The following GSTCD variants were observed in gnomAD, a reference collection of about 807,000 sequenced individuals.
The protein encoded by GSTCD is glutathione S-transferase C-terminal domain containing.
A neutral mutation model predicts 68.3 loss-of-function variants in GSTCD; 44 were observed. The observed-to-expected ratio is 0.64, with a 90% CI of 0.51 to 0.83. GSTCD has a LOEUF of 0.83. Among genes scored for constraint, GSTCD ranks in the 40% least tolerant of loss-of-function variants. GSTCD has a pLI of 0.00. For synonymous variants in GSTCD, 273 were observed against 255.2 expected (o/e 1.07, Z -0.67); for missense variants, 739 against 735.9 (o/e 1.00, Z -0.05).
At chr4:105,755,509 T>C (rs1044131118) in intron 5 of GSTCD, among the ~76,000 whole-genome samples, 3 of 152,196 alleles carry the variant, frequency 2.0e-5, no homozygotes, top group Admixed American at 1.3e-4. Context: ...TTACTTCTGA[T>C]ACTGAATGCA....
rs572336838 is a variant in GSTCD at position 105,748,233 on chromosome 4, C to T, written c.1240+18734C>T. Among the ~76,000 whole-genome samples, 4 of 151,550 alleles carry T rather than the reference C, an allele frequency of 2.6e-5. No individual in the cohort carries two copies. The South Asian group carries it at 8.4e-4, about 32-fold the overall frequency. ...TCATGCCACTGTATTCTAGCCTGGG[C>T]GACAGAGTGAGACTCCATCTCAAGA... On this transcript the variant is annotated intron_variant, in intron 5 of 11. Transcript: ENST00000515279.
At chr4:105,720,117 GA>G (rs1456728523) in intron 3 of GSTCD, among the ~76,000 whole-genome samples, 1 of 152,084 alleles carries the variant, frequency 6.6e-6, no homozygotes, top group African/African-American at 2.4e-5. Flanking sequence ...TGCTGGGGGA[GA>G]ATAGATAGAA....
rs17036315 is a variant in GSTCD at position 105,831,617 on chromosome 4, C to T, written c.1531-2844C>T. Among the ~76,000 whole-genome samples the T allele has an allele frequency of 4.6e-3, 693 of 152,282 alleles. 3 individuals carry two copies. Among genetic ancestry groups the T allele is most frequent in the African/African-American group, 0.016 (666 of 41,552 alleles). On this transcript the variant is annotated intron_variant, in intron 8 of 11. Transcript: ENST00000515279. Reference sequence around the variant, plus strand: ...TGTTTGTGTGTTCACATCTCTTGCTCATTTTACTCTCACTTTATTGGGCTT... The same window carrying T: ...TGTTTGTGTGTTCACATCTCTTGCTTATTTTACTCTCACTTTATTGGGCTT...
chr4:105,749,351 C>G (rs1048181791), intron 5 of GSTCD, among the ~76,000 whole-genome samples: 2 of 151,670 alleles, frequency 1.3e-5, no homozygotes, highest in Non-Finnish European at 2.9e-5. Context: ...AATCTGAAGA[C>G]TTTTTGTAGC....
chr4:105,711,978 A>G (rs1010873465), intron 1 of GSTCD, among the ~76,000 whole-genome samples: 1 of 152,270 alleles, frequency 6.6e-6, no homozygotes, highest in South Asian at 2.1e-4. Context: ...CTTCATTTTA[A>G]TTTATACTTA....
intron 1 of GSTCD, among the ~76,000 whole-genome samples, 178 bp from the exon 2 acceptor site, chr4:105,717,415 G>A (rs957259329): frequency 2.0e-5 from 3 of 152,098 alleles, no homozygotes; most frequent in African/African-American, 4.8e-5. Flanking sequence ...ATTGCACAGG[G>A]TGGAATTTTT....
At chr4:105,753,460 T>C (rs1238513473) in intron 5 of GSTCD, among the ~76,000 whole-genome samples, 1 of 151,986 alleles carries the variant, frequency 6.6e-6, no homozygotes, top group African/African-American at 2.4e-5. Flanking sequence ...CACCCTAGGA[T>C]TAAAAATATT....
intron 10 of GSTCD, among the ~76,000 whole-genome samples, chr4:105,841,402 A>G (rs1724334288): frequency 6.6e-6 from 1 of 152,172 alleles, no homozygotes; most frequent in Admixed American, 6.5e-5. Flanking sequence ...AATACATTTT[A>G]TAAAAGAAAA....
intron 5 of GSTCD, among the ~76,000 whole-genome samples, chr4:105,758,832 A>G (rs1448605429): frequency 2.0e-5 from 3 of 152,188 alleles, no homozygotes; most frequent in Non-Finnish European, 4.4e-5. Context: ...ACCTTCAGTG[A>G]CATTAATTCG....
At chr4:105,836,512 C>G (rs1724126981) in intron 9 of GSTCD, among the ~76,000 whole-genome samples, 1 of 152,160 alleles carries the variant, frequency 6.6e-6, no homozygotes, top group African/African-American at 2.4e-5. Context: ...TCCATGGTGC[C>G]CATGGCACCC....
intron 5 of GSTCD, among the ~76,000 whole-genome samples, chr4:105,810,337 C>A (rs1722702981): frequency 6.6e-6 from 1 of 151,992 alleles, no homozygotes; most frequent in South Asian, 2.1e-4. Flanking sequence ...CTGATTTTAG[C>A]AGTTCTTGGT....
intron 5 of GSTCD, among the ~76,000 whole-genome samples, chr4:105,734,731 A>G (rs1733394195): frequency 6.6e-6 from 1 of 152,174 alleles, no homozygotes; most frequent in Non-Finnish European, 1.5e-5. Context: ...TAGGAGCTGC[A>G]TTCCTTTGGA....
chr4:105,792,130 T>C (rs758260660), intron 5 of GSTCD, among the ~76,000 whole-genome samples: 2 of 152,072 alleles, frequency 1.3e-5, no homozygotes, highest in Non-Finnish European at 2.9e-5. Context: ...ATTCTAAGAA[T>C]GGCTTTCTAT....
chr4:105,717,502 T>C, intron 1 of GSTCD, 91 bp from the exon 2 acceptor site: 3 of 848,802 alleles, frequency 3.5e-6, no homozygotes, highest in Non-Finnish European at 5.4e-6. Context: ...TTTTACTGAT[T>C]TCTAGAACAG....
rs183503499 is a variant in GSTCD at position 105,746,827 on chromosome 4, A to G, written c.1240+17328A>G. On this transcript the variant is annotated intron_variant, in intron 5 of 11. Coordinates refer to ENST00000515279, the MANE Select transcript of GSTCD (RefSeq NM_001370181.1). ...TGAAAAGAATGAACTGACCCTTAAC[A>G]TTAGGAAAAAATATAAAACAAGGTA... Among the ~76,000 whole-genome samples, 132 of 152,350 alleles carry G rather than the reference A, an allele frequency of 8.7e-4. 1 individual carries two copies. Among genetic ancestry groups the G allele is most frequent in the Non-Finnish European group, 1.4e-3 (98 of 68,038 alleles).
At chr4:105,794,437 A>T (rs1170621805) in intron 5 of GSTCD, among the ~76,000 whole-genome samples, 1 of 152,068 alleles carries the variant, frequency 6.6e-6, no homozygotes, top group Non-Finnish European at 1.5e-5. Context: ...ATGTAGGTTC[A>T]TCACTATTAA....
chr4:105,729,479 C>T lies in GSTCD; in HGVS notation c.1220C>T (p.Ala407Val), dbSNP rs375632667. Residue 407 changes from alanine (A) to valine (V), a missense_variant, in exon 5 of 12, where the codon GCA becomes GTA. Coordinates refer to ENST00000515279, the MANE Select transcript of GSTCD (RefSeq NM_001370181.1). ...TWTLDWNVLP[A>V]AVSPKEGKMS... ...ACTCTTGATTGGAATGTTCTCCCTG[C>T]AGCAGTCAGCCCAAAGGAAGGTGAG... 3.7e-6 allele frequency: 6 copies of T among 1,611,012 alleles called. No homozygotes were observed. Among genetic ancestry groups the T allele is most frequent in the South Asian group, 1.1e-5 (1 of 90,674 alleles).
intron 11 of GSTCD, 24 bp downstream of exon 11, chr4:105,842,158 G>A (rs757484807): frequency 1.4e-5 from 23 of 1,594,052 alleles, no homozygotes; most frequent in Non-Finnish European, 1.9e-5. Flanking sequence ...CAGAGCAGCT[G>A]TTGAGTGTAT....
At chr4:105,723,437 G>A (rs1358176075) in intron 3 of GSTCD, among the ~76,000 whole-genome samples, 2 of 151,694 alleles carry the variant, frequency 1.3e-5, no homozygotes, top group African/African-American at 2.4e-5. Flanking sequence ...TTTTCTTGTC[G>A]TGATCCCCTA....
Sources: allele counts gnomAD v4.1 joint callset (sites outside exome capture counted in the v4.1 genomes callset), GRCh38; gene constraint gnomAD v4.1.1; transcripts MANE v1.5; gene names NCBI Gene and HGNC (gene_info 2026-07-23, HGNC 2026-07-21).